EIPR1: variants seen among roughly 807,000 people sequenced by gnomAD.
EIPR1 encodes EARP complex and GARP complex interacting protein 1, also known as EARP and GARP complex-interacting protein 1.
A neutral mutation model predicts 48.1 loss-of-function variants in EIPR1; 25 were observed. That is an observed-to-expected ratio of 0.52 (90% confidence interval 0.38 to 0.73). EIPR1 has a LOEUF of 0.73. EIPR1 is among the 30% of genes least tolerant of loss of function. The probability of loss-of-function intolerance (pLI) is 0.00; values close to 1 mark genes in which losing one functional copy is unlikely to be tolerated. For missense variants in EIPR1, 415 were observed against 506.2 expected, an observed-to-expected ratio of 0.82 and a Z score of 1.73; for synonymous variants, 204 against 201.9, an observed-to-expected ratio of 1.01 and a Z score of -0.09.
chr2:3,364,039 G>C (rs140325266), intron 1 of EIPR1, among the ~76,000 whole-genome samples: 116 of 152,266 alleles, frequency 7.6e-4, no homozygotes, highest in African/African-American at 2.4e-3. Flanking sequence ...TGTAGAGAGA[G>C]GGAGCCCTCA....
At chr2:3,199,131 G>T (rs914882133) in intron 5 of EIPR1, among the ~76,000 whole-genome samples, 3 of 143,384 alleles carry the variant, frequency 2.1e-5, no homozygotes, top group East Asian at 2.0e-4. Flanking sequence ...ACTGGGGAAA[G>T]AATTCAGCGA....
At chr2:3,376,194 C>T (rs960760256) in intron 1 of EIPR1, among the ~76,000 whole-genome samples, 8 of 152,072 alleles carry the variant, frequency 5.3e-5, no homozygotes, top group African/African-American at 1.7e-4. Context: ...CACTGTTCTA[C>T]GTGATTCAAT....
chr2:3,196,769 C>G (rs1664821044), intron 6 of EIPR1, 112 bp downstream of exon 6: 1 of 1,426,894 alleles, frequency 7.0e-7, no homozygotes, highest in Non-Finnish European at 9.3e-7. Flanking sequence ...GAGATAAAGA[C>G]AAACCATGCG....
intron 1 of EIPR1, among the ~76,000 whole-genome samples, chr2:3,369,552 G>A (rs1040516909): frequency 7.9e-5 from 12 of 152,332 alleles, no homozygotes; most frequent in African/African-American, 1.4e-4. Context: ...CTTTTCCGAC[G>A]GGCTTAGGAA....
intron 3 of EIPR1, among the ~76,000 whole-genome samples, chr2:3,323,722 C>A (rs1312759360): frequency 2.6e-5 from 4 of 152,166 alleles, no homozygotes; most frequent in Non-Finnish European, 5.9e-5. Flanking sequence ...TCTGGATGGG[C>A]CCAGGTTTGA....
intron 5 of EIPR1, among the ~76,000 whole-genome samples, chr2:3,205,543 C>G (rs1292461685): frequency 6.6e-6 from 1 of 152,224 alleles, no homozygotes; most frequent in African/African-American, 2.4e-5. Flanking sequence ...TATTTCCAAG[C>G]TTCTTGTTAT....
At chr2:3,229,413 G>A (rs1323317155) in intron 4 of EIPR1, among the ~76,000 whole-genome samples, 1 of 152,220 alleles carries the variant, frequency 6.6e-6, no homozygotes, top group Non-Finnish European at 1.5e-5. Context: ...CCAAAACAGT[G>A]ATGTTTCATC....
intron 1 of EIPR1, among the ~76,000 whole-genome samples, chr2:3,363,061 G>C (rs901959935): frequency 3.3e-5 from 5 of 152,160 alleles, no homozygotes; most frequent in African/African-American, 1.2e-4. Flanking sequence ...CTTGGGCTTG[G>C]GGTAAATGAC....
At chr2:3,324,583 C>T (rs1439116168) in intron 3 of EIPR1, among the ~76,000 whole-genome samples, 1 of 152,280 alleles carries the variant, frequency 6.6e-6, no homozygotes, top group Non-Finnish European at 1.5e-5. Context: ...CCCACCCGCT[C>T]AAGGCGGCAC....
intron 3 of EIPR1, among the ~76,000 whole-genome samples, chr2:3,304,842 TC>T (rs1668874022): frequency 7.9e-5 from 8 of 101,818 alleles, no homozygotes; most frequent in Admixed American, 9.1e-5. Flanking sequence ...TCCAGTCCCG[TC>T]CAGTTCAGCC....
chr2:3,212,717 G>A (rs1263395223), intron 5 of EIPR1, among the ~76,000 whole-genome samples: 3 of 152,120 alleles, frequency 2.0e-5, no homozygotes, highest in Admixed American at 6.6e-5. Flanking sequence ...TGTGGTCCAC[G>A]GGGGTCAATC....
intron 1 of EIPR1, among the ~76,000 whole-genome samples, chr2:3,355,728 T>A (rs1162340131): frequency 6.6e-6 from 1 of 151,850 alleles, no homozygotes; most frequent in Non-Finnish European, 1.5e-5. Flanking sequence ...GGCAGGAGGA[T>A]CACTCGAGCC....
chr2:3,209,060 G>T, intron 5 of EIPR1: 1 of 1,435,298 alleles, frequency 7.0e-7, no homozygotes, highest in Non-Finnish European at 9.1e-7. Flanking sequence ...ACGCCTGCTG[G>T]TGGGAAGGCA....
chr2:3,312,810 G>A lies in EIPR1; in HGVS notation c.259+25207C>T, dbSNP rs1460216595. 6.6e-6 allele frequency among the ~76,000 whole-genome samples: 1 copy of A among 152,114 alleles called. No individual in the cohort carries two copies. The highest frequency in any genetic ancestry group is 1.5e-5 in the Non-Finnish European group (1 of 68,024). ...ATGAGCACGTCATGGCCTGACCACC[G>A]CTGTGGGCCTCATTCTGGAATGGAT... On this transcript the variant is annotated intron_variant, in intron 3 of 8. Transcript: ENST00000382125. The surrounding 1 kb of genome is among the most constrained non-coding windows in gnomAD (Gnocchi z 5.5).
chr2:3,219,287 C>T (rs11686440), intron 4 of EIPR1, among the ~76,000 whole-genome samples: 115,835 of 128,212 alleles, frequency 0.9, 54,032 homozygotes, highest in East Asian at 0.95. Context: ...CCCTGGTATA[C>T]TCTAGAGCAT....
intron 4 of EIPR1, among the ~76,000 whole-genome samples, chr2:3,246,899 A>AGGAGGGAGAGAG (rs1666829580): frequency 8.2e-5 from 2 of 24,516 alleles, no homozygotes; most frequent in African/African-American, 1.6e-4. Flanking sequence ...GAGGGAGGGA[A>AGGAGGGAGAGAG]GGAGGGAGAG....
chr2:3,287,949 CTGAG>C (rs944285229), intron 3 of EIPR1, among the ~76,000 whole-genome samples: 10 of 152,230 alleles, frequency 6.6e-5, no homozygotes, highest in African/African-American at 2.2e-4. Flanking sequence ...GCAGAGGGTA[CTGAG>C]TAAGGAGTAG....
At chr2:3,311,751 G>A (rs59799670) in intron 3 of EIPR1, among the ~76,000 whole-genome samples, 32,915 of 150,844 alleles carry the variant, frequency 0.22, 5,745 homozygotes, top group East Asian at 0.58. Flanking sequence ...GTCCCAGGGT[G>A]CAGGGGGCTC....
chr2:3,220,485 G>C (rs963646248), intron 4 of EIPR1, among the ~76,000 whole-genome samples: 1 of 151,992 alleles, frequency 6.6e-6, no homozygotes, highest in Non-Finnish European at 1.5e-5. Context: ...GTGCATGATG[G>C]CCGTGGTACA....
Sources: allele counts gnomAD v4.1 joint callset (sites outside exome capture counted in the v4.1 genomes callset), GRCh38; gene constraint gnomAD v4.1.1; non-coding constraint Gnocchi (gnomAD v3.1); transcripts MANE v1.5; gene names NCBI Gene and HGNC (gene_info 2026-07-23, HGNC 2026-07-21).